The following TSPEAR variants were observed in gnomAD, a reference collection of about 807,000 sequenced individuals.
The protein encoded by TSPEAR is thrombospondin-type laminin G domain and EAR repeat-containing protein.
In TSPEAR, 69 loss-of-function variants were observed where a neutral mutation model predicts 71.6. The ratio of observed to expected loss-of-function variants is 0.96; its 90% CI spans 0.79 to 1.18. TSPEAR has a LOEUF of 1.18. Among genes scored for constraint, TSPEAR ranks in the 50% most tolerant of loss-of-function variants. The probability of loss-of-function intolerance (pLI) is 0.00; values close to 1 mark genes in which losing one functional copy is unlikely to be tolerated. For synonymous variants in TSPEAR, 402 were observed against 387.2 expected (o/e 1.04, Z -0.45); for missense variants, 971 against 894.9 (o/e 1.09, Z -1.09).
At chr21:44,502,062 C>A (rs587621201) in intron 11 of TSPEAR, among the ~76,000 whole-genome samples, 5 of 152,316 alleles carry the variant, frequency 3.3e-5, no homozygotes, top group African/African-American at 1.2e-4. Context: ...AATAATTCTG[C>A]ATCATCACCA....
At chr21:44,513,372 G>T (rs1038434307) in intron 9 of TSPEAR, among the ~76,000 whole-genome samples, 5 of 151,238 alleles carry the variant, frequency 3.3e-5, no homozygotes, top group African/African-American at 9.8e-5. Flanking sequence ...GGACCCCCCT[G>T]TCAGGCCACT....
intron 10 of TSPEAR, among the ~76,000 whole-genome samples, chr21:44,507,527 T>C (rs2052231825): frequency 6.6e-6 from 1 of 152,014 alleles, no homozygotes; most frequent in Admixed American, 6.5e-5. Flanking sequence ...CCTTAATTAA[T>C]TGGTAAGTAC....
intron 1 of TSPEAR, among the ~76,000 whole-genome samples, chr21:44,705,948 T>A (rs1987890437): frequency 6.6e-6 from 1 of 152,186 alleles, no homozygotes; most frequent in Non-Finnish European, 1.5e-5. Context: ...GCATCACAGA[T>A]CCTACCAACG....
At chr21:44,684,824 T>C (rs1274648188) in intron 1 of TSPEAR, among the ~76,000 whole-genome samples, 1 of 152,228 alleles carries the variant, frequency 6.6e-6, no homozygotes, top group Non-Finnish European at 1.5e-5. Context: ...CATTCTTCTG[T>C]AGTCAACTTG....
At position 44,687,485 on chromosome 21, in the gene TSPEAR, G is replaced by A. The variant is rs1287791720; in HGVS notation, c.82+23948C>T. Among the ~76,000 whole-genome samples, 1 of 152,216 alleles carries A rather than the reference G, an allele frequency of 6.6e-6. No homozygotes were observed. The highest frequency in any genetic ancestry group is 1.5e-5 in the Non-Finnish European group (1 of 68,038). ...GGCATTGCTTACGCACACGGCAACA[G>A]GAACGCATCGCAGAAACACCGCGCG... On this transcript the variant is annotated intron_variant, in intron 1 of 11. Coordinates refer to ENST00000323084, the MANE Select transcript of TSPEAR (RefSeq NM_144991.3). This position sits in a 1 kb window ranked among gnomAD's most constrained non-coding sequence, Gnocchi z 4.4.
intron 2 of TSPEAR, among the ~76,000 whole-genome samples, chr21:44,565,345 C>T (rs587734221): frequency 6.6e-6 from 1 of 152,294 alleles, no homozygotes; most frequent in East Asian, 1.9e-4. Flanking sequence ...GGAAGTATTA[C>T]TTCCTAACTC....
intron 1 of TSPEAR, chr21:44,677,942 TC>T: frequency 1.5e-6 from 2 of 1,376,594 alleles, no homozygotes; most frequent in South Asian, 1.2e-5. Flanking sequence ...AAAGGCCAGC[TC>T]CAGCAATGTT....
intron 1 of TSPEAR, chr21:44,627,236 G>C (rs587691413): frequency 6.2e-7 from 1 of 1,612,748 alleles, no homozygotes; most frequent in South Asian, 1.1e-5. Context: ...GTGGACGACT[G>C]CCCAGAGAGC....
intron 1 of TSPEAR, among the ~76,000 whole-genome samples, chr21:44,675,170 T>A (rs1161188999): frequency 3.9e-5 from 6 of 151,972 alleles, no homozygotes; most frequent in Admixed American, 3.3e-4. Flanking sequence ...GATGCAAAAC[T>A]CCTCAACAAA....
intron 1 of TSPEAR, among the ~76,000 whole-genome samples, chr21:44,629,983 G>T (rs1555935420): frequency 6.6e-6 from 1 of 152,198 alleles, no homozygotes; most frequent in Non-Finnish European, 1.5e-5. Context: ...CTGTCGCGGG[G>T]GTCAGGAGCA....
At position 44,615,127 on chromosome 21, in the gene TSPEAR, GC is replaced by G. The variant is rs200530477; in HGVS notation, c.83-47123del. On this transcript the variant is annotated intron_variant, in intron 1 of 11. Transcript: ENST00000323084. ...CATGTGAGAGGCCCTCCTGGACTCC[GC>G]CATGGGCAGTGCTGAAAAATCTCCG... Among the ~76,000 whole-genome samples the G allele has an allele frequency of 7.4e-3, 1,134 of 152,352 alleles. 12 individuals carry two copies. Among genetic ancestry groups the G allele is most frequent in the African/African-American group, 0.025 (1,056 of 41,582 alleles).
chr21:44,582,741 T>G (rs937863855), intron 1 of TSPEAR, among the ~76,000 whole-genome samples: 13 of 152,220 alleles, frequency 8.5e-5, no homozygotes, highest in African/African-American at 3.1e-4. Flanking sequence ...AAATTTTCAC[T>G]GGGGGCCACC....
chr21:44,552,371 G>A lies in TSPEAR; in HGVS notation c.303+15414C>T, dbSNP rs2053456536. 3.3e-5 allele frequency among the ~76,000 whole-genome samples: 5 copies of A among 152,290 alleles called. No individual in the cohort carries two copies. In the South Asian group the frequency reaches 1.0e-3, roughly 32 times the overall value. ...TGTCTTGGGGCCTGAGCCCAGCATG[G>A]CCTGAAGCTGGTTCTCACCAGGAAC... On this transcript the variant is annotated intron_variant, in intron 2 of 11. Transcript: ENST00000323084.
chr21:44,620,537 A>G (rs930906693), intron 1 of TSPEAR, among the ~76,000 whole-genome samples: 7 of 152,120 alleles, frequency 4.6e-5, no homozygotes, highest in African/African-American at 1.7e-4. Flanking sequence ...TTCATTTACG[A>G]TTTTAGTTAT....
chr21:44,681,096 C>T (rs1243356300), intron 1 of TSPEAR, among the ~76,000 whole-genome samples: 1 of 152,228 alleles, frequency 6.6e-6, no homozygotes, highest in Non-Finnish European at 1.5e-5. Context: ...TAAAGTATTT[C>T]ATATGCCCCA....
chr21:44,637,011 A>T (rs781888137), intron 1 of TSPEAR, among the ~76,000 whole-genome samples: 3 of 152,178 alleles, frequency 2.0e-5, no homozygotes, highest in Non-Finnish European at 4.4e-5. Flanking sequence ...CCACCCCGTG[A>T]GGTCCCTGCA....
At chr21:44,548,029 A>G (rs2053329401) in intron 2 of TSPEAR, among the ~76,000 whole-genome samples, 1 of 152,178 alleles carries the variant, frequency 6.6e-6, no homozygotes. Flanking sequence ...GGGCATGCCC[A>G]ATGTTTTCTG....
At chr21:44,594,956 G>A (rs1980264163) in intron 1 of TSPEAR, among the ~76,000 whole-genome samples, 1 of 151,754 alleles carries the variant, frequency 6.6e-6, no homozygotes, top group Admixed American at 6.6e-5. Flanking sequence ...CGAGTAGCTG[G>A]GATTACAGGC....
intron 3 of TSPEAR, among the ~76,000 whole-genome samples, chr21:44,531,984 C>T (rs1338078192): frequency 6.6e-6 from 1 of 152,248 alleles, no homozygotes; most frequent in Admixed American, 6.5e-5. Flanking sequence ...CAGTCTTTGC[C>T]ATCTGGCTGC....
Sources: allele counts gnomAD v4.1 joint callset (sites outside exome capture counted in the v4.1 genomes callset), GRCh38; gene constraint gnomAD v4.1.1; non-coding constraint Gnocchi (gnomAD v3.1); transcripts MANE v1.5; gene names NCBI Gene and HGNC (gene_info 2026-07-23, HGNC 2026-07-21).